The following TMEM225B variants were observed in gnomAD, a reference collection of about 807,000 sequenced individuals.
The protein encoded by TMEM225B is transmembrane protein 225B, also known as transmembrane protein 225-like.
A neutral mutation model predicts 16.9 loss-of-function variants in TMEM225B; 10 were observed. The ratio of observed to expected loss-of-function variants is 0.59; its 90% CI spans 0.36 to 1.00. The LOEUF (loss-of-function observed/expected upper bound fraction) is 1.00. Ranked by LOEUF, TMEM225B falls within the 50% of genes least tolerant of loss-of-function variation. TMEM225B has a pLI of 0.01. For synonymous variants in TMEM225B, 92 were observed against 109.8 expected (o/e 0.84, Z 1.01); for missense variants, 217 against 267.0 (o/e 0.81, Z 1.30).
At position 99,607,759 on chromosome 7, in the gene TMEM225B, C is replaced by T. The variant is rs1158262636; in HGVS notation, c.442C>T (p.Leu148=). 1.3e-6 allele frequency: 2 copies of T among 1,536,096 alleles called. No individual in the cohort carries two copies. Among genetic ancestry groups the T allele is most frequent in the Admixed American group, 3.9e-5 (2 of 50,988 alleles). The change falls in exon 5 of 6, where the codon CTG becomes TTG. Residue 148 remains leucine, a synonymous_variant. Transcript: ENST00000431679. ...GCTCGGCCCCCTGCAGTTCTCCGTG[C>T]TGTGGCCTTACTACGTGCTGGGCTT... ...MKLGPLQFSV[L]WPYYVLGFGI... is the part of the protein sequence containing the mutation.
intron 4 of TMEM225B, 65 bp from the exon 5 acceptor site, chr7:99,607,608 T>G (rs1584318851): frequency 6.9e-6 from 10 of 1,449,344 alleles, no homozygotes; most frequent in East Asian, 5.2e-5. Flanking sequence ...CCACAGGGGG[T>G]GAAGTTTGGA....
At chr7:99,609,391 C>T (rs1342154499) in intron 5 of TMEM225B, among the ~76,000 whole-genome samples, 1 of 152,016 alleles carries the variant, frequency 6.6e-6, no homozygotes, top group Non-Finnish European at 1.5e-5. Flanking sequence ...TTATCTTAGT[C>T]TTCATCTTAA....
At chr7:99,610,293 A>G in intron 5 of TMEM225B, 100 bp from the exon 6 acceptor site, 1 of 779,666 alleles carries the variant, frequency 1.3e-6, no homozygotes, top group Non-Finnish European at 2.0e-6. Flanking sequence ...ATTGGGGGGC[A>G]GAATGAGGGA....
In TMEM225B at chr7:99,598,749, A is replaced by T. The variant is rs924658279; in HGVS notation, c.-85+368A>T. ...GGTCTCTTTCCCATTCCAAACCAGG[A>T]TGCCCTTCAGGTCGCCCACTTCCTT... is the stretch of plus-strand genomic sequence containing the variant. On this transcript the variant is annotated intron_variant, in intron 1 of 5. Transcript: ENST00000431679. Among the ~76,000 whole-genome samples the T allele has an allele frequency of 1.1e-4, 17 of 152,266 alleles. No homozygotes were observed. The East Asian group carries it at 3.3e-3, about 29-fold the overall frequency.
rs749901773 is a variant in TMEM225B, at chr7:99,604,481, C to G, written c.93C>G (p.Val31=). The G allele has an allele frequency of 1.5e-5, 23 of 1,535,970 alleles. No individual in the cohort carries two copies. The South Asian group carries it at 2.7e-4, about 18-fold the overall frequency. ...TSLGYLIILV[V]SIFPFWVRLT... ...TAGGCTACCTGATTATACTGGTGGT[C>G]TCCATCTTTCCCTTCTGGGTGCGAC... is the stretch of plus-strand genomic sequence containing the variant. The change falls in exon 3 of 6, where the codon GTC becomes GTG. Residue 31 remains valine (V), a synonymous_variant. Transcript: ENST00000431679.
intron 2 of TMEM225B, among the ~76,000 whole-genome samples, chr7:99,602,230 C>A (rs1805432329): frequency 6.6e-6 from 1 of 152,212 alleles, no homozygotes; most frequent in Admixed American, 6.5e-5. Context: ...CAATCACCGT[C>A]CCTGCTTCCT....
At chr7:99,601,102 G>A (rs1172947147) in intron 2 of TMEM225B, among the ~76,000 whole-genome samples, 1 of 152,152 alleles carries the variant, frequency 6.6e-6, no homozygotes, top group Non-Finnish European at 1.5e-5. Flanking sequence ...AATGCCCAGT[G>A]TACTCCCATC....
intron 1 of TMEM225B, among the ~76,000 whole-genome samples, chr7:99,599,523 G>A (rs1227994393): frequency 6.6e-6 from 1 of 152,172 alleles, no homozygotes; most frequent in African/African-American, 2.4e-5. Context: ...CTGCACTCCA[G>A]CCTGGGTGAC....
At chr7:99,609,637 T>C (rs1380978650) in intron 5 of TMEM225B, among the ~76,000 whole-genome samples, 2 of 152,134 alleles carry the variant, frequency 1.3e-5, no homozygotes, top group African/African-American at 4.8e-5. Context: ...GGTTTCACCA[T>C]GTTGGCCAGG....
At chr7:99,606,514 G>A (rs1805820274) in intron 3 of TMEM225B, among the ~76,000 whole-genome samples, 1 of 152,168 alleles carries the variant, frequency 6.6e-6, no homozygotes, top group Admixed American at 6.5e-5. Flanking sequence ...TTCAGTGTCT[G>A]ACATTGTCAA....
Position 99,600,197 on chromosome 7 carries a change from C to T in TMEM225B, c.-84-8C>T, listed in dbSNP as rs867679594. On this transcript the variant is annotated splice_polypyrimidine_tract_variant and splice_region_variant and intron_variant, in intron 1 of 5. Coordinates refer to ENST00000431679, the MANE Select transcript of TMEM225B (RefSeq NM_001195541.3). ...TCACATGATGTGTTTCTGTGTCTCT[C>T]TCCCTAGCAGTTCCAAGAGCCTCTG... The T allele has an allele frequency of 5.7e-6, 4 of 703,004 alleles. No homozygotes were observed. Among genetic ancestry groups the T allele is most frequent in the Middle Eastern group, 4.6e-4 (2 of 4,368 alleles). 43.5% of individuals were successfully genotyped at this position (703,004 alleles called of 1,614,324 possible).
chr7:99,605,086 A>G (rs1220804768), intron 3 of TMEM225B, among the ~76,000 whole-genome samples: 3 of 152,168 alleles, frequency 2.0e-5, no homozygotes, highest in African/African-American at 7.2e-5. Flanking sequence ...ACTCTGGGAT[A>G]TCTGGGGCTT....
chr7:99,608,766 T>C lies in TMEM225B; in HGVS notation c.493+956T>C, dbSNP rs945697282. On this transcript the variant is annotated intron_variant, in intron 5 of 5. Coordinates refer to ENST00000431679, the MANE Select transcript of TMEM225B (RefSeq NM_001195541.3). The stretch of plus-strand genomic sequence containing the variant: ...ACACACACACACACACACACACACA[T>C]ATTTATATATGCACATATATATGTA... 1.7e-4 allele frequency among the ~76,000 whole-genome samples: 25 copies of C among 146,502 alleles called. No homozygotes were observed. In the East Asian group the frequency reaches 2.0e-3, roughly 12 times the overall value.
At chr7:99,603,986 C>G (rs1385606358) in intron 2 of TMEM225B, among the ~76,000 whole-genome samples, 2 of 152,032 alleles carry the variant, frequency 1.3e-5, no homozygotes, top group African/African-American at 4.8e-5. Context: ...AACTTCTGGA[C>G]TCAAGCGATC....
Position 99,602,049 on chromosome 7 carries a change from C to T in TMEM225B, c.-4+1764C>T, listed in dbSNP as rs142270880. On this transcript the variant is annotated intron_variant, in intron 2 of 5. Transcript: ENST00000431679. ...AGCCCAGCCTGGCACAGGCAAGGGT[C>T]CCCAGGTCTGGCTTTGGGTAGGACT... Among the ~76,000 whole-genome samples the T allele has an allele frequency of 4.4e-3, 668 of 152,346 alleles. 3 individuals are homozygous for T. The highest frequency in any genetic ancestry group is 0.014 in the African/African-American group (602 of 41,592).
At chr7:99,608,714 A>AT in intron 5 of TMEM225B, among the ~76,000 whole-genome samples, 2 of 113,888 alleles carry the variant, frequency 1.8e-5, no homozygotes, top group East Asian at 2.3e-4. Context: ...TAGTTAAAAA[A>AT]AAATATATAT....
At chr7:99,600,580 A>T (rs1408020272) in intron 2 of TMEM225B, among the ~76,000 whole-genome samples, 1 of 152,202 alleles carries the variant, frequency 6.6e-6, no homozygotes, top group African/African-American at 2.4e-5. Context: ...CACATCTTTC[A>T]TGGTGGCTGG....
intron 2 of TMEM225B, among the ~76,000 whole-genome samples, chr7:99,601,692 T>C (rs184831017): frequency 5.9e-5 from 9 of 152,302 alleles, no homozygotes; most frequent in Admixed American, 1.3e-4. Flanking sequence ...AAGATGAACA[T>C]GTGTTTACCT....
chr7:99,610,333 C>T, intron 5 of TMEM225B, 60 bp from the exon 6 acceptor site: 1 of 1,390,720 alleles, frequency 7.2e-7, no homozygotes, highest in South Asian at 1.3e-5. Context: ...GGGACCTGAC[C>T]TCTAGGGCGT....
Sources: gnomAD v4.1 joint callset for allele counts (sites outside exome capture counted in the v4.1 genomes callset) on GRCh38, gnomAD v4.1.1 for gene constraint, MANE v1.5 for transcripts, NCBI Gene and HGNC (gene_info 2026-07-23, HGNC 2026-07-21) for gene names.